PHKB: variants seen among roughly 807,000 people sequenced by gnomAD.
PHKB encodes the protein phosphorylase kinase regulatory subunit beta.
In PHKB, 122 loss-of-function variants were observed where a neutral mutation model predicts 152.1. The ratio of observed to expected loss-of-function variants is 0.80; its 90% CI spans 0.69 to 0.93. The LOEUF (loss-of-function observed/expected upper bound fraction) is 0.93. Ranked by LOEUF, PHKB falls within the 40% of genes least tolerant of loss-of-function variation. The pLI, the probability that PHKB is intolerant of heterozygous loss-of-function variation, is 0.00. For synonymous variants in PHKB, 436 were observed against 464.9 expected (o/e 0.94, Z 0.80); for missense variants, 1,304 against 1,328.4 (o/e 0.98, Z 0.29).
At chr16:47,543,961 C>T (rs1196776071) in intron 6 of PHKB, among the ~76,000 whole-genome samples, 2 of 151,692 alleles carry the variant, frequency 1.3e-5, no homozygotes, top group Non-Finnish European at 2.9e-5. Flanking sequence ...CTATTCTATA[C>T]ATTGATTCTT....
At chr16:47,503,556 C>T (rs927825781) in intron 4 of PHKB, among the ~76,000 whole-genome samples, 12 of 152,070 alleles carry the variant, frequency 7.9e-5, no homozygotes, top group African/African-American at 2.2e-4. Flanking sequence ...ACAGGCCAGG[C>T]GCAGTGGCTC....
intron 20 of PHKB, among the ~76,000 whole-genome samples, chr16:47,656,586 A>T (rs188013125): frequency 2.0e-5 from 3 of 152,204 alleles, no homozygotes; most frequent in African/African-American, 4.8e-5. Context: ...GTCCAGTTTA[A>T]TGGTGTTAAC....
chr16:47,558,142 C>A (rs1383378971), intron 7 of PHKB, among the ~76,000 whole-genome samples: 1 of 149,796 alleles, frequency 6.7e-6, no homozygotes, highest in East Asian at 2.0e-4. Context: ...GGACAAAAAA[C>A]CAAACACTGC....
chr16:47,684,098 C>T (rs1374703276), intron 26 of PHKB, among the ~76,000 whole-genome samples: 1 of 151,288 alleles, frequency 6.6e-6, no homozygotes, highest in Non-Finnish European at 1.5e-5. Flanking sequence ...CTTTGAGGGG[C>T]CAAGGTGGAT....
rs374731360 is a variant in PHKB at position 47,669,327 on chromosome 16, C to T, written c.2540C>T (p.Ala847Val). ...TGTAACACCCATGATGAGAGGGAAG[C>T]GGTCATTCAGCAAGAACTGGTCATC... ...YKCNTHDERE[A>V]VIQQELVIHI... Residue 847 changes from alanine (A) to valine (V), a missense_variant, in exon 26 of 31, where the codon GCG becomes GTG. By Grantham distance (64) the Ala-to-Val change is moderately conservative. Transcript: ENST00000323584. 304 of 1,613,980 alleles carry T rather than the reference C, an allele frequency of 1.9e-4. No homozygotes were observed. The highest frequency in any genetic ancestry group is 2.4e-4 in the Non-Finnish European group (284 of 1,179,878).
At chr16:47,563,241 C>T (rs778016051) in intron 7 of PHKB, among the ~76,000 whole-genome samples, 1 of 150,238 alleles carries the variant, frequency 6.7e-6, no homozygotes, top group Non-Finnish European at 1.5e-5. Flanking sequence ...TCTAGAATGG[C>T]GAGTCCTTCC....
intron 6 of PHKB, among the ~76,000 whole-genome samples, chr16:47,542,796 C>G (rs957889698): frequency 6.6e-6 from 1 of 152,094 alleles, no homozygotes; most frequent in African/African-American, 2.4e-5. Context: ...ATTTGGCTCT[C>G]TGTTTGTCTG....
chr16:47,643,142 C>T (rs1973055338), intron 16 of PHKB, among the ~76,000 whole-genome samples: 1 of 152,116 alleles, frequency 6.6e-6, no homozygotes, highest in Non-Finnish European at 1.5e-5. Context: ...AGTTTATATC[C>T]TACCAGACAA....
At chr16:47,633,581 G>C (rs1192434888) in intron 14 of PHKB, among the ~76,000 whole-genome samples, 2 of 152,174 alleles carry the variant, frequency 1.3e-5, no homozygotes, top group Non-Finnish European at 2.9e-5. Context: ...GGTGTTTGGG[G>C]GAGTTTGGGA....
chr16:47,566,527 C>G (rs991272683), intron 7 of PHKB: 67 of 1,602,542 alleles, frequency 4.2e-5, no homozygotes, highest in Non-Finnish European at 5.3e-5. Flanking sequence ...GGTAAAAGCA[C>G]TGCACTGATA....
intron 13 of PHKB, among the ~76,000 whole-genome samples, chr16:47,597,412 C>T (rs1017358908): frequency 2.6e-5 from 4 of 152,074 alleles, no homozygotes; most frequent in Non-Finnish European, 1.5e-5. Flanking sequence ...TTGAGCTTTA[C>T]ATAAAATGAT....
At chr16:47,627,234 T>C (rs1461787806) in intron 14 of PHKB, among the ~76,000 whole-genome samples, 2 of 152,212 alleles carry the variant, frequency 1.3e-5, no homozygotes, top group South Asian at 4.1e-4. Flanking sequence ...TTCTCGTCAT[T>C]TGTTCTTCCC....
At chr16:47,525,916 G>T (rs1251226540) in intron 6 of PHKB, among the ~76,000 whole-genome samples, 2 of 152,120 alleles carry the variant, frequency 1.3e-5, no homozygotes, top group Non-Finnish European at 2.9e-5. Context: ...GGCTCCCTAT[G>T]GATTAGCTAA....
At chr16:47,535,148 A>C (rs1970930661) in intron 6 of PHKB, among the ~76,000 whole-genome samples, 1 of 152,246 alleles carries the variant, frequency 6.6e-6, no homozygotes. Context: ...TGTACAAGAC[A>C]CAGGGGAGAA....
chr16:47,539,159 G>T (rs1971005656), intron 6 of PHKB, among the ~76,000 whole-genome samples: 2 of 152,098 alleles, frequency 1.3e-5, no homozygotes, highest in Non-Finnish European at 2.9e-5. Context: ...TATAAATTTT[G>T]TCACATGTCT....
At chr16:47,622,260 G>A (rs1055896669) in intron 14 of PHKB, among the ~76,000 whole-genome samples, 3 of 152,030 alleles carry the variant, frequency 2.0e-5, no homozygotes, top group African/African-American at 7.2e-5. Context: ...CCTACTTCAC[G>A]TTTTTTCCTG....
chr16:47,558,133 G>A (rs1347272670), intron 7 of PHKB, among the ~76,000 whole-genome samples: 3 of 148,440 alleles, frequency 2.0e-5, no homozygotes, highest in Admixed American at 6.8e-5. Context: ...CTATCGCAAG[G>A]ACAAAAAACC....
At chr16:47,583,162 T>C (rs1158219494) in intron 8 of PHKB, among the ~76,000 whole-genome samples, 1 of 152,228 alleles carries the variant, frequency 6.6e-6, no homozygotes, top group African/African-American at 2.4e-5. Flanking sequence ...TCTTCCATTT[T>C]TACAAGGTAG....
At chr16:47,522,961 A>ATTTTTT in intron 6 of PHKB, among the ~76,000 whole-genome samples, 1 of 122,494 alleles carries the variant, frequency 8.2e-6, no homozygotes, top group Non-Finnish European at 1.8e-5. Flanking sequence ...TTTCAAGTCA[A>ATTTTTT]TTTTTTTTTT....
Sources: gnomAD v4.1 joint callset for allele counts (sites outside exome capture counted in the v4.1 genomes callset) on GRCh38, gnomAD v4.1.1 for gene constraint, MANE v1.5 for transcripts, NCBI Gene and HGNC (gene_info 2026-07-23, HGNC 2026-07-21) for gene names.